KCTD1: variants seen among roughly 807,000 people sequenced by gnomAD.
The protein encoded by KCTD1 is potassium channel tetramerization domain containing 1.
A neutral mutation model predicts 66.0 loss-of-function variants in KCTD1; 24 were observed. That is an observed-to-expected ratio of 0.36 (90% CI 0.26 to 0.51). The LOEUF is 0.51. Ranked by LOEUF, KCTD1 falls within the 20% of genes least tolerant of loss-of-function variation. The pLI, the probability that KCTD1 is intolerant of heterozygous loss-of-function variation, is 0.95. For missense variants in KCTD1, 943 were observed against 1,205.2 expected (o/e 0.78, Z 3.22); for synonymous variants, 511 against 517.2 (o/e 0.99, Z 0.16).
intron 1 of KCTD1, among the ~76,000 whole-genome samples, chr18:26,510,973 G>T (rs969769425): frequency 6.6e-6 from 1 of 152,100 alleles, no homozygotes; most frequent in African/African-American, 2.4e-5. Context: ...ATTAGGACTG[G>T]GTGATGATGC....
chr18:26,641,932 G>C (rs901121158), upstream of KCTD1, among the ~76,000 whole-genome samples: 4 of 152,126 alleles, frequency 2.6e-5, no homozygotes, highest in Admixed American at 2.6e-4. Context: ...ATATTTATAT[G>C]ATGAGGACCA....
At chr18:26,642,177 C>A (rs1203118947), upstream of KCTD1, among the ~76,000 whole-genome samples, 2 of 152,132 alleles carry the variant, frequency 1.3e-5, no homozygotes, top group Non-Finnish European at 2.9e-5. Flanking sequence ...CCCAGGAACT[C>A]TTTGTAATCA....
chr18:26,487,502 T>C (rs913531677), intron 2 of KCTD1, among the ~76,000 whole-genome samples: 1 of 152,260 alleles, frequency 6.6e-6, no homozygotes, highest in African/African-American at 2.4e-5. Context: ...TTAAGGTTTC[T>C]AATTTATGTC....
intron 1 of KCTD1, among the ~76,000 whole-genome samples, chr18:26,594,648 T>C (rs1986725325): frequency 6.6e-6 from 1 of 151,480 alleles, no homozygotes; most frequent in Non-Finnish European, 1.5e-5. Flanking sequence ...TAACTTTATG[T>C]CAACTCAGCT....
upstream of KCTD1, among the ~76,000 whole-genome samples, chr18:26,643,831 G>A (rs370776273): frequency 4.3e-4 from 66 of 152,196 alleles, no homozygotes; most frequent in East Asian, 4.1e-3. Flanking sequence ...GCTTGGTGGC[G>A]GGTGCCTGTA....
rs1399444142 is a variant in KCTD1 at position 26,459,634 on chromosome 18, G to A, written c.2425C>T (p.Leu809Phe). The A allele has an allele frequency of 6.3e-7, 1 of 1,597,192 alleles. No homozygotes were observed. Among genetic ancestry groups the A allele is most frequent in the Non-Finnish European group, 8.6e-7 (1 of 1,169,320 alleles). The change falls in exon 4 of 5, where the codon CTC becomes TTC. Residue 809 changes from leucine to phenylalanine, a missense_variant. Leu to Phe is a conservative substitution (Grantham distance 22). Coordinates refer to ENST00000580059, the MANE Select transcript of KCTD1 (RefSeq NM_001142730.3). Reference protein sequence around the residue: ...IRFPLNGYCHLNSVQVLERLQ... With the variant: ...IRFPLNGYCHFNSVQVLERLQ... ...CAATGCTATACCTGGACTGAGTTGA[G>A]GTGACAGTAGCCATTTAGTGGAAAC...
At chr18:26,550,415 C>T (rs1985509360), upstream of KCTD1, among the ~76,000 whole-genome samples, 1 of 152,054 alleles carries the variant, frequency 6.6e-6, no homozygotes, top group African/African-American at 2.4e-5. This position sits in a 1 kb window ranked among gnomAD's most constrained non-coding sequence, Gnocchi z 5.4. Context: ...ATGTCTTTTT[C>T]TGCAGCGAAC....
At chr18:26,500,261 T>TA (rs1212305692) in intron 2 of KCTD1, among the ~76,000 whole-genome samples, 3,630 of 134,014 alleles carry the variant, frequency 0.027, 152 homozygotes, top group African/African-American at 0.092. Context: ...ACAAAAAATT[T>TA]AAAAAAAAAA....
intron 1 of KCTD1, among the ~76,000 whole-genome samples, chr18:26,580,272 G>A (rs1030105965): frequency 5.9e-5 from 9 of 152,010 alleles, no homozygotes; most frequent in African/African-American, 2.2e-4. Context: ...TGAGTGCAGT[G>A]ACAACAAGGA....
chr18:26,599,382 G>T (rs746970982), intron 1 of KCTD1: 2 of 1,601,376 alleles, frequency 1.2e-6, no homozygotes, highest in Non-Finnish European at 1.7e-6. Context: ...CAGTTTTTAG[G>T]TCTGTCAGTA....
rs185212425 is a variant in KCTD1 at position 26,591,293 on chromosome 18, G to A, written c.-16+37854C>T. 7.9e-5 allele frequency among the ~76,000 whole-genome samples: 12 copies of A among 152,270 alleles called. No homozygotes were observed. The East Asian group carries it at 1.9e-3, about 24-fold the overall frequency. On this transcript the variant is annotated intron_variant, in intron 1 of 4. Coordinates refer to the KCTD1 transcript ENST00000317932. ...TCCTCCTGCCTTGGCCTACCAAAGC[G>A]TTGGGATTACAGGCATGTGCCACCA...
chr18:26,657,089 T>G lies in KCTD1; in HGVS notation c.9+271A>C, dbSNP rs1342612890. On this transcript the variant is annotated intron_variant, in intron 1 of 4. Transcript: ENST00000580191. ...GGCCCCTGCTGGCCGCACCCGCTCC[T>G]CCTGCCCGCTCTGCTCCGCCCTGCT... Among the ~76,000 whole-genome samples, 6 of 150,206 alleles carry G rather than the reference T, an allele frequency of 4.0e-5. No homozygotes were observed. In the East Asian group the frequency reaches 1.0e-3, roughly 25 times the overall value.
chr18:26,647,336 C>CCCCCT (rs77240702), intron 1 of KCTD1, among the ~76,000 whole-genome samples: 53,867 of 146,660 alleles, frequency 0.37, 11,359 homozygotes, highest in Non-Finnish European at 0.48. Flanking sequence ...GTGAAACCCC[C>CCCCCT]CCCCCATCTC....
chr18:26,549,781 C>A, upstream of KCTD1: 4 of 985,314 alleles, frequency 4.1e-6, no homozygotes, highest in Middle Eastern at 5.2e-4. Flanking sequence ...CTGCCTCAGG[C>A]GCGCGGGGGC....
chr18:26,546,671 G>A, intron 1 of KCTD1, 57 bp downstream of exon 1: 2 of 1,491,336 alleles, frequency 1.3e-6, no homozygotes, highest in Non-Finnish European at 1.8e-6. Flanking sequence ...TAGCACAAAA[G>A]TTAGTCCCGA....
intron 1 of KCTD1, among the ~76,000 whole-genome samples, chr18:26,567,270 A>G (rs907432030): frequency 6.6e-6 from 1 of 152,246 alleles, no homozygotes; most frequent in Non-Finnish European, 1.5e-5. Flanking sequence ...CAGTGTTTCA[A>G]GAAACATGTT....
intron 1 of KCTD1, among the ~76,000 whole-genome samples, chr18:26,594,641 CTT>C (rs1986725248): frequency 6.6e-6 from 1 of 151,456 alleles, no homozygotes; most frequent in African/African-American, 2.4e-5. Flanking sequence ...TGATGGCTAA[CTT>C]TATGTCAACT....
At chr18:26,593,342 GGAA>G (rs750780842) in intron 1 of KCTD1, among the ~76,000 whole-genome samples, 710 of 41,886 alleles carry the variant, frequency 0.017, 7 homozygotes, top group African/African-American at 0.035. Flanking sequence ...AGGAAGAGGA[GGAA>G]GAGGAGGAGG....
chr18:26,510,201 T>TA (rs1201749303), intron 1 of KCTD1, among the ~76,000 whole-genome samples: 1 of 152,128 alleles, frequency 6.6e-6, no homozygotes, highest in African/African-American at 2.4e-5. Flanking sequence ...GGGGTGCAGA[T>TA]AAATAGAAAG....
Sources: gnomAD v4.1 joint callset for allele counts (sites outside exome capture counted in the v4.1 genomes callset) on GRCh38, gnomAD v4.1.1 for gene constraint, Gnocchi (gnomAD v3.1) non-coding constraint, MANE v1.5 for transcripts, NCBI Gene and HGNC (gene_info 2026-07-23, HGNC 2026-07-21) for gene names.